The following UBE2O variants were observed in gnomAD, a reference collection of about 807,000 sequenced individuals.
UBE2O encodes (E3-independent) E2 ubiquitin-conjugating enzyme.
A neutral mutation model predicts 125.8 loss-of-function variants in UBE2O; 15 were observed. The observed-to-expected ratio is 0.12, with a 90% confidence interval of 0.08 to 0.18. The LOEUF (loss-of-function observed/expected upper bound fraction) is 0.18, where lower values mean the gene tolerates loss of function less well. UBE2O is among the 10% of genes least tolerant of loss of function. The pLI, the probability that UBE2O is intolerant of heterozygous loss-of-function variation, is 1.00. For missense variants in UBE2O, 1,280 were observed against 1,723.6 expected, an observed-to-expected ratio of 0.74 and a Z score of 4.56; for synonymous variants, 708 against 703.2, an observed-to-expected ratio of 1.01 and a Z score of -0.11.
Position 76,400,875 on chromosome 17 carries a change from GC to G in UBE2O, c.894+135del, listed in dbSNP as rs1331615435. ...AGCCTGGGTTCCCTTTATCCCCAAA[GC>G]CCTTTGAGATCAACAGGGTCCAGAT... On this transcript the variant is annotated intron_variant, in intron 6 of 17. Transcript: ENST00000319380. This position sits in a 1 kb window ranked among gnomAD's most constrained non-coding sequence, Gnocchi z 4.3. 9.1e-7 allele frequency: 1 copy of G among 1,098,634 alleles called. No homozygotes were observed. The highest frequency in any genetic ancestry group is 1.3e-6 in the Non-Finnish European group (1 of 783,346). 68.1% of individuals were successfully genotyped at this position (1,098,634 alleles called of 1,614,324 possible).
rs532018567 is a variant in UBE2O, at chr17:76,423,965, C to T, written c.418-18393G>A. Among the ~76,000 whole-genome samples the T allele has an allele frequency of 2.6e-4, 34 of 133,244 alleles. 1 individual carries two copies. In the South Asian group the frequency reaches 4.7e-3, roughly 19 times the overall value. The allele number at this position is 133,244 out of a possible 152,430, so 87.4% of individuals were successfully genotyped here. ...CACCCAGGCTGTAGTGCTAGTGCAG[C>T]GGCGCGATCTTGGCTCACTGCAAGC... On this transcript the variant is annotated intron_variant, in intron 1 of 17. Coordinates refer to ENST00000319380, the MANE Select transcript of UBE2O (RefSeq NM_022066.4).
At chr17:76,397,166 A>G (rs1257110047) in intron 13 of UBE2O, among the ~76,000 whole-genome samples, 1 of 152,190 alleles carries the variant, frequency 6.6e-6, no homozygotes, top group East Asian at 1.9e-4. Flanking sequence ...AGGGTCAGCT[A>G]ATGATGCAGC....
At chr17:76,413,993 C>T (rs2072557921) in intron 1 of UBE2O, among the ~76,000 whole-genome samples, 1 of 152,228 alleles carries the variant, frequency 6.6e-6, no homozygotes, top group African/African-American at 2.4e-5. Flanking sequence ...GTCAGTAATT[C>T]CGGCTGGTGC....
chr17:76,391,336 C>T lies in UBE2O; in HGVS notation c.3486G>A (p.Val1162=), dbSNP rs2072110211. The T allele has an allele frequency of 6.2e-7, 1 of 1,613,094 alleles. No homozygotes were observed. Among genetic ancestry groups the T allele is most frequent in the South Asian group, 1.1e-5 (1 of 91,086 alleles). The part of the protein sequence containing the change: ...LEKAQALPNG[V]PKASSSPEPP... ...GCTCTGGCGAGCTGCTGGCCTTGGG[C>T]ACCCCGTTGGGCAGTGCCTGGGCCT... The change falls in exon 18 of 18, where the codon GTG becomes GTA. Residue 1162 remains valine, a synonymous_variant. Coordinates refer to ENST00000319380, the MANE Select transcript of UBE2O (RefSeq NM_022066.4). The surrounding 1 kb of genome is among the most constrained non-coding windows in gnomAD (Gnocchi z 8.4).
chr17:76,431,340 C>T (rs1301204018), intron 1 of UBE2O, among the ~76,000 whole-genome samples: 3 of 147,432 alleles, frequency 2.0e-5, no homozygotes, highest in Admixed American at 6.8e-5. Context: ...GGTGAAATCC[C>T]GCCTCTACTA....
Position 76,452,752 on chromosome 17 carries a change from G to A in UBE2O, c.390C>T (p.Gly130=). ...GYVRVQWYPE[G]VKQHVKETKL... Reference sequence around the variant, plus strand: ...TGGTCTCCTTCACATGCTGCTTGACGCCCTCCGGGTACCACTGGACGCGCA... The same window carrying A: ...TGGTCTCCTTCACATGCTGCTTGACACCCTCCGGGTACCACTGGACGCGCA... Residue 130 remains glycine (G), a synonymous_variant, in exon 1 of 18, where the codon GGC becomes GGT. Coordinates refer to ENST00000319380, the MANE Select transcript of UBE2O (RefSeq NM_022066.4). This position sits in a 1 kb window ranked among gnomAD's most constrained non-coding sequence, Gnocchi z 4.4. The A allele has an allele frequency of 6.6e-7, 1 of 1,507,620 alleles. No individual in the cohort carries two copies. Among genetic ancestry groups the A allele is most frequent in the Non-Finnish European group, 8.8e-7 (1 of 1,137,412 alleles). 93.4% of individuals were successfully genotyped at this position (1,507,620 alleles called of 1,614,324 possible).
Position 76,400,051 on chromosome 17 carries a change from C to T in UBE2O, c.1155+96G>A. On this transcript the variant is annotated intron_variant, in intron 8 of 17. Coordinates refer to ENST00000319380, the MANE Select transcript of UBE2O (RefSeq NM_022066.4). The surrounding 1 kb of genome is among the most constrained non-coding windows in gnomAD (Gnocchi z 4.3). Reference sequence around the variant, plus strand: ...CCGGCAAGGGTCATCAGGGCTGCCCCCCAAGGCCTAAAGCACAGACTGTCC... The same window carrying T: ...CCGGCAAGGGTCATCAGGGCTGCCCTCCAAGGCCTAAAGCACAGACTGTCC... The T allele has an allele frequency of 6.5e-7, 1 of 1,541,412 alleles. No individual in the cohort carries two copies. Among genetic ancestry groups the T allele is most frequent in the Non-Finnish European group, 8.8e-7 (1 of 1,140,164 alleles).
chr17:76,432,829 T>C (rs2072926031), intron 1 of UBE2O, among the ~76,000 whole-genome samples: 1 of 152,142 alleles, frequency 6.6e-6, no homozygotes, highest in Non-Finnish European at 1.5e-5. Flanking sequence ...AATAAGCACA[T>C]GAAAAGATGC....
chr17:76,422,732 G>A (rs1256042888), intron 1 of UBE2O, among the ~76,000 whole-genome samples: 2 of 152,202 alleles, frequency 1.3e-5, no homozygotes, highest in African/African-American at 4.8e-5. Flanking sequence ...GTCTGGAATT[G>A]CTCCTCCTCA....
chr17:76,452,703 G>A lies in UBE2O; in HGVS notation c.417+22C>T. ...CCGCCGACCCCCTGCCGCCCGCGCC[G>A]CCCAGCCCCCGCCCGCCGCACCTTG... On this transcript the variant is annotated intron_variant, in intron 1 of 17. Transcript: ENST00000319380. This position sits in a 1 kb window ranked among gnomAD's most constrained non-coding sequence, Gnocchi z 4.4. 2 of 1,349,168 alleles carry A rather than the reference G, an allele frequency of 1.5e-6. No homozygotes were observed. The highest frequency in any genetic ancestry group is 1.8e-5 in the South Asian group (1 of 55,148). 83.6% of individuals were successfully genotyped at this position (1,349,168 alleles called of 1,614,324 possible).
intron 1 of UBE2O, among the ~76,000 whole-genome samples, chr17:76,418,640 G>A (rs1268814860): frequency 1.3e-5 from 2 of 151,718 alleles, no homozygotes. Flanking sequence ...CGCGATCTCG[G>A]CTCACTGCAA....
chr17:76,412,393 C>T (rs1394880887), intron 1 of UBE2O, among the ~76,000 whole-genome samples: 1 of 152,236 alleles, frequency 6.6e-6, no homozygotes. Flanking sequence ...CCTCCACCCC[C>T]TCCCTGACCC....
chr17:76,389,739 C>T lies in UBE2O; in HGVS notation c.*1204G>A, dbSNP rs1372501486. ...CGCAGCTCTGCTGGCTGGGCGGTCA[C>T]AGCACAGCACAGGTGTGGAGCCCAC... On this transcript the variant is annotated 3_prime_UTR_variant, in exon 18 of 18. Coordinates refer to ENST00000319380, the MANE Select transcript of UBE2O (RefSeq NM_022066.4). 1.3e-5 allele frequency: 2 copies of T among 152,166 alleles called. No individual in the cohort carries two copies. Among genetic ancestry groups the T allele is most frequent in the Non-Finnish European group, 2.9e-5 (2 of 68,028 alleles). The allele number at this position is 152,166 out of a possible 1,614,324, so 9.4% of individuals were successfully genotyped here.
rs1048524612 is a variant in UBE2O, at chr17:76,395,341, G to C, written c.2946+384C>G. The C allele has an allele frequency of 6.4e-6, 1 of 156,716 alleles. No individual in the cohort carries two copies. Among genetic ancestry groups the C allele is most frequent in the African/African-American group, 2.4e-5 (1 of 41,388 alleles). The allele number at this position is 156,716 out of a possible 1,614,324, so 9.7% of individuals were successfully genotyped here. On this transcript the variant is annotated intron_variant, in intron 15 of 17. Transcript: ENST00000319380. The surrounding 1 kb of genome is among the most constrained non-coding windows in gnomAD (Gnocchi z 5.0). ...GGACTACAGGCGCCCGCATGGTGGC[G>C]GGAGAGTTTTTTGTAATTTTTTTTT...
chr17:76,396,642 C>T lies in UBE2O; in HGVS notation c.2295G>A (p.Gln765=). The change falls in exon 14 of 18, where the codon CAG becomes CAA. Residue 765 remains glutamine, a synonymous_variant. Coordinates refer to ENST00000319380, the MANE Select transcript of UBE2O (RefSeq NM_022066.4). This position sits in a 1 kb window ranked among gnomAD's most constrained non-coding sequence, Gnocchi z 6.7. ...IEEPPIPPLE[Q]PVAPEDKGVV... The stretch of plus-strand genomic sequence containing the variant: ...CTCCCTTGTCCTCAGGGGCCACCGG[C>T]TGCTCCAGGGGTGGGATGGGGGGCT... 6.2e-7 allele frequency: 1 copy of T among 1,613,496 alleles called. No individual in the cohort carries two copies. Among genetic ancestry groups the T allele is most frequent in the South Asian group, 1.1e-5 (1 of 91,058 alleles).
At position 76,414,710 on chromosome 17, in the gene UBE2O, C is replaced by T. The variant is rs144887234; in HGVS notation, c.418-9138G>A. 3.8e-3 allele frequency among the ~76,000 whole-genome samples: 574 copies of T among 152,334 alleles called. 4 individuals carry two copies. The highest frequency in any genetic ancestry group is 0.024 in the Middle Eastern group (7 of 294). ...AAAGGGGACTGAGTCCAACTGCCTG[C>T]TAAGTGAGGGGGAAGGACTGCAGAG... On this transcript the variant is annotated intron_variant, in intron 1 of 17. Transcript: ENST00000319380.
chr17:76,402,138 G>C lies in UBE2O; in HGVS notation c.687-11C>G, dbSNP rs1185415594. On this transcript the variant is annotated splice_polypyrimidine_tract_variant and intron_variant, in intron 4 of 17. Coordinates refer to ENST00000319380, the MANE Select transcript of UBE2O (RefSeq NM_022066.4). The surrounding 1 kb of genome is among the most constrained non-coding windows in gnomAD (Gnocchi z 5.4). Reference sequence around the variant, plus strand: ...GTGTTCATGGAGCACCTAAAACAGAGAACAGAGGTTTGGTCTCCACCAGGG... The same window carrying C: ...GTGTTCATGGAGCACCTAAAACAGACAACAGAGGTTTGGTCTCCACCAGGG... 5 of 1,612,794 alleles carry C rather than the reference G, an allele frequency of 3.1e-6. No homozygotes were observed. Among genetic ancestry groups the C allele is most frequent in the East Asian group, 4.5e-5 (2 of 44,856 alleles).
At chr17:76,406,745 A>G (rs1372507752) in intron 1 of UBE2O, among the ~76,000 whole-genome samples, 1 of 127,568 alleles carries the variant, frequency 7.8e-6, no homozygotes, top group Non-Finnish European at 1.5e-5. Context: ...TGTTGCCCAA[A>G]CTGGAGTGCA....
At chr17:76,431,203 A>C (rs2072901395) in intron 1 of UBE2O, 1 of 156,068 alleles carries the variant, frequency 6.4e-6, no homozygotes, top group Non-Finnish European at 1.4e-5. Flanking sequence ...AGATCTGAAG[A>C]TGAAGGAGAA....
Sources: allele counts gnomAD v4.1 joint callset (sites outside exome capture counted in the v4.1 genomes callset), GRCh38; gene constraint gnomAD v4.1.1; non-coding constraint Gnocchi (gnomAD v3.1); transcripts MANE v1.5; gene names NCBI Gene and HGNC (gene_info 2026-07-23, HGNC 2026-07-21).